The following SCN11A variants were observed in gnomAD, a reference collection of about 807,000 sequenced individuals.
SCN11A encodes sodium voltage-gated channel alpha subunit 11.
A neutral mutation model predicts 162.2 loss-of-function variants in SCN11A; 122 were observed. The observed-to-expected ratio is 0.75, with a 90% CI of 0.65 to 0.87. SCN11A has a LOEUF of 0.87. Ranked by LOEUF, SCN11A falls within the 40% of genes least tolerant of loss-of-function variation. The pLI is 0.00. For missense variants in SCN11A, 2,015 were observed against 2,181.6 expected (o/e 0.92, Z 1.52); for synonymous variants, 758 against 751.5 (o/e 1.01, Z -0.14).
chr3:39,029,466 A>T (rs2031688331), intron 2 of SCN11A, among the ~76,000 whole-genome samples: 1 of 152,152 alleles, frequency 6.6e-6, no homozygotes, highest in African/African-American at 2.4e-5. Flanking sequence ...TTCTTGTATT[A>T]TTAGGGAAAT....
At chr3:38,976,268 A>G (rs2066848646) in intron 2 of SCN11A, among the ~76,000 whole-genome samples, 3 of 152,214 alleles carry the variant, frequency 2.0e-5, no homozygotes, top group African/African-American at 7.2e-5. Flanking sequence ...ACATACTGTC[A>G]TAAACCAAGT....
rs1349080039 is a variant in SCN11A, at chr3:38,900,009, T to G, written c.1907A>C (p.Tyr636Ser). The G allele has an allele frequency of 6.2e-7, 1 of 1,613,990 alleles. No homozygotes were observed. Among genetic ancestry groups the G allele is most frequent in the South Asian group, 1.1e-5 (1 of 91,064 alleles). Residue 636 changes from tyrosine to serine, a missense_variant, in exon 17 of 30, where the codon TAC becomes TCC. Physicochemically the swap from Tyr to Ser is moderately radical, Grantham distance 144 (BLOSUM62 -2). Transcript: ENST00000302328. ...LKIIALDPYH[Y>S]FRRGWNIFDS... ...AAAAATGTTCCAGCCTCGGCGAAAG[T>G]AGTGGTAGGGATCGAGCGCAATGAT...
chr3:39,010,443 A>T (rs926459567), intron 2 of SCN11A, among the ~76,000 whole-genome samples: 9 of 147,612 alleles, frequency 6.1e-5, no homozygotes, highest in Non-Finnish European at 3.0e-5. Context: ...GCAGTGGCGC[A>T]TCTCTGCTCA....
intron 2 of SCN11A, among the ~76,000 whole-genome samples, chr3:39,016,033 G>T (rs941064358): frequency 1.3e-5 from 2 of 152,216 alleles, no homozygotes; most frequent in Admixed American, 6.5e-5. Flanking sequence ...CACTAGATGT[G>T]ATATATTTTT....
chr3:38,918,121 A>C (rs144187778), intron 11 of SCN11A, among the ~76,000 whole-genome samples: 1 of 150,196 alleles, frequency 6.7e-6, no homozygotes, highest in Non-Finnish European at 1.5e-5. Context: ...AGACTTGGGA[A>C]AAAAAAAAAG....
intron 2 of SCN11A, among the ~76,000 whole-genome samples, chr3:38,981,770 T>A (rs1012782787): frequency 3.9e-5 from 6 of 151,956 alleles, no homozygotes; most frequent in African/African-American, 1.4e-4. Flanking sequence ...TTTGGGAGGC[T>A]GAGGCAGGCG....
Position 38,940,461 on chromosome 3 carries a change from G to T in SCN11A, c.488+4950C>A, listed in dbSNP as rs193007502. Reference sequence around the variant, plus strand: ...ATTAGACAATCTTGATAGTTAAAAAGTGTGGTTCTGGCATATGAAAACGCA... The same window carrying T: ...ATTAGACAATCTTGATAGTTAAAAATTGTGGTTCTGGCATATGAAAACGCA... On this transcript the variant is annotated intron_variant, in intron 7 of 29. Coordinates refer to ENST00000302328, the MANE Select transcript of SCN11A (RefSeq NM_001349253.2). 1.3e-3 allele frequency among the ~76,000 whole-genome samples: 192 copies of T among 152,314 alleles called. 1 individual carries two copies. Among genetic ancestry groups the T allele is most frequent in the Middle Eastern group, 6.8e-3 (2 of 292 alleles).
At chr3:39,014,968 G>A (rs1461915547) in intron 2 of SCN11A, among the ~76,000 whole-genome samples, 1 of 152,196 alleles carries the variant, frequency 6.6e-6, no homozygotes, top group African/African-American at 2.4e-5. Flanking sequence ...AATCAGTCTT[G>A]GTGTGGGAAA....
intron 2 of SCN11A, among the ~76,000 whole-genome samples, chr3:39,001,119 A>T (rs537844429): frequency 6.6e-6 from 1 of 152,218 alleles, no homozygotes; most frequent in Non-Finnish European, 1.5e-5. Context: ...TCCTAAACTC[A>T]TTTTTTTAGT....
At chr3:38,914,860 T>C (rs950024587) in intron 11 of SCN11A, among the ~76,000 whole-genome samples, 4 of 152,210 alleles carry the variant, frequency 2.6e-5, no homozygotes. Flanking sequence ...CTTTTTAATG[T>C]GCTGCTGGAT....
chr3:39,022,320 G>A (rs1450629404), intron 2 of SCN11A, among the ~76,000 whole-genome samples: 1 of 152,122 alleles, frequency 6.6e-6, no homozygotes, highest in East Asian at 1.9e-4. Context: ...TTTGGCCACT[G>A]TGCTACACAT....
rs1271092061 is a variant in SCN11A at position 38,850,479 on chromosome 3, A to C, written c.4327+2T>G. ...GTCCCTCTGACTGCTGATTTTACTT[A>C]CTAACAATGGAAAGAAGCACGACCA... On this transcript the variant is annotated splice_donor_variant, in intron 29 of 29. Coordinates refer to ENST00000302328, the MANE Select transcript of SCN11A (RefSeq NM_001349253.2). LOFTEE classifies it high-confidence loss of function. 8.7e-6 allele frequency: 14 copies of C among 1,609,924 alleles called. No homozygotes were observed. Among genetic ancestry groups the C allele is most frequent in the Non-Finnish European group, 1.2e-5 (14 of 1,177,576 alleles).
chr3:38,942,246 C>G (rs531653534), intron 7 of SCN11A, among the ~76,000 whole-genome samples: 7 of 152,148 alleles, frequency 4.6e-5, no homozygotes, highest in African/African-American at 1.4e-4. Flanking sequence ...ACAGACAAAT[C>G]CACAATCATA....
At chr3:39,033,176 AGAG>A (rs2031808896) in intron 1 of SCN11A, among the ~76,000 whole-genome samples, 1 of 151,384 alleles carries the variant, frequency 6.6e-6, no homozygotes, top group Non-Finnish European at 1.5e-5. Context: ...AGAGAGAGAG[AGAG>A]AAAACTTAAT....
At chr3:39,020,657 C>G (rs2031427497) in intron 2 of SCN11A, among the ~76,000 whole-genome samples, 1 of 152,210 alleles carries the variant, frequency 6.6e-6, no homozygotes, top group Admixed American at 6.5e-5. Context: ...GAAACCCACT[C>G]ATTTTTTATG....
At chr3:39,014,158 C>T (rs185336696) in intron 2 of SCN11A, among the ~76,000 whole-genome samples, 1 of 152,266 alleles carries the variant, frequency 6.6e-6, no homozygotes, top group Admixed American at 6.5e-5. Context: ...GTCACTCTTA[C>T]CCACCTCTTC....
At chr3:38,898,413 ACC>A (rs1212989692) in intron 17 of SCN11A, among the ~76,000 whole-genome samples, 14 of 152,296 alleles carry the variant, frequency 9.2e-5, no homozygotes, top group African/African-American at 3.1e-4. Flanking sequence ...TGCCACACAG[ACC>A]ACACAGCCTG....
intron 2 of SCN11A, among the ~76,000 whole-genome samples, chr3:38,983,839 C>G (rs1250649643): frequency 6.6e-6 from 1 of 151,760 alleles, no homozygotes; most frequent in South Asian, 2.1e-4. Flanking sequence ...GTTTCATCCA[C>G]CAGGAAGTTA....
At chr3:38,852,471 A>G (rs1020009128) in intron 28 of SCN11A, among the ~76,000 whole-genome samples, 1 of 151,974 alleles carries the variant, frequency 6.6e-6, no homozygotes, top group Non-Finnish European at 1.5e-5. Context: ...TAAATTACCT[A>G]AAGTGTTGGA....
Sources: gnomAD v4.1 joint callset for allele counts (sites outside exome capture counted in the v4.1 genomes callset) on GRCh38, gnomAD v4.1.1 for gene constraint, MANE v1.5 for transcripts, NCBI Gene and HGNC (gene_info 2026-07-23, HGNC 2026-07-21) for gene names.